B4GALT6: variants seen among roughly 807,000 people sequenced by gnomAD.
B4GALT6 encodes UDP-Gal:beta-GlcNAc beta-1,4-galactosyltransferase 6.
In B4GALT6, 14 loss-of-function variants were observed where a neutral mutation model predicts 46.3. The observed-to-expected ratio is 0.30, with a 90% CI of 0.20 to 0.47. The LOEUF (loss-of-function observed/expected upper bound fraction) is 0.47, where lower values mean the gene tolerates loss of function less well. Ranked by LOEUF, B4GALT6 falls within the 20% of genes least tolerant of loss-of-function variation. B4GALT6 has a pLI of 0.99. For missense variants in B4GALT6, 386 were observed against 480.1 expected, an observed-to-expected ratio of 0.80 and a Z score of 1.83; for synonymous variants, 168 against 162.0, an observed-to-expected ratio of 1.04 and a Z score of -0.28.
chr18:31,627,939 C>T (rs186507398), intron 6 of B4GALT6, among the ~76,000 whole-genome samples: 2 of 152,296 alleles, frequency 1.3e-5, no homozygotes, highest in African/African-American at 2.4e-5. Flanking sequence ...GCAGAGAAAA[C>T]GTGACCATGC....
the B4GALT6 span, among the ~76,000 whole-genome samples, chr18:31,696,817 G>A: frequency 6.6e-6 from 1 of 152,178 alleles, no homozygotes. Context: ...GTAAAGGTCT[G>A]TGGATATTAA....
At chr18:31,652,199 TTC>T (rs949420440) in intron 3 of B4GALT6, among the ~76,000 whole-genome samples, 33 of 152,262 alleles carry the variant, frequency 2.2e-4, no homozygotes, top group African/African-American at 7.2e-4. Flanking sequence ...GCCACCAAAC[TTC>T]TCTCATTTCA....
the B4GALT6 span, chr18:31,724,179 G>A: frequency 4.0e-6 from 1 of 252,618 alleles, no homozygotes; most frequent in South Asian, 4.4e-5. Flanking sequence ...TAAAGGACGG[G>A]ATGGGGCGCG....
chr18:31,712,927 T>C, the B4GALT6 span, among the ~76,000 whole-genome samples: 1 of 152,208 alleles, frequency 6.6e-6, no homozygotes, highest in Non-Finnish European at 1.5e-5. Context: ...ATAAAAACAA[T>C]ATTTTATTTT....
intron 1 of B4GALT6, among the ~76,000 whole-genome samples, chr18:31,678,242 A>G (rs2074437547): frequency 6.6e-6 from 1 of 152,092 alleles, no homozygotes; most frequent in African/African-American, 2.4e-5. Flanking sequence ...GCGGTCATCT[A>G]CCCTCACCTC....
intron 4 of B4GALT6, 82 bp from the exon 5 acceptor site, chr18:31,638,842 C>G: frequency 1.7e-6 from 2 of 1,201,550 alleles, no homozygotes; most frequent in Non-Finnish European, 2.4e-6. Context: ...TCCTTGAAAA[C>G]TTCTGATGGT....
At chr18:31,686,724 G>T (rs900193115), upstream of B4GALT6, 1 of 152,106 alleles carries the variant, frequency 6.6e-6, no homozygotes, top group Non-Finnish European at 1.5e-5. Flanking sequence ...GTAAAATAAA[G>T]AAAAACAAAA....
chr18:31,655,558 GGAGGA>G (rs758025412), intron 3 of B4GALT6, among the ~76,000 whole-genome samples: 18 of 152,186 alleles, frequency 1.2e-4, no homozygotes, highest in Non-Finnish European at 2.6e-4. Context: ...CTGTGGGGCG[GGAGGA>G]GAGGAGTACC....
chr18:31,640,728 T>C (rs528947320), intron 4 of B4GALT6, among the ~76,000 whole-genome samples: 3 of 152,234 alleles, frequency 2.0e-5, no homozygotes, highest in Admixed American at 6.5e-5. Context: ...CGACCCAACA[T>C]CCAAGACCTC....
chr18:31,670,666 AG>A (rs1598922141), intron 1 of B4GALT6, among the ~76,000 whole-genome samples: 1 of 152,370 alleles, frequency 6.6e-6, no homozygotes, highest in East Asian at 1.9e-4. Flanking sequence ...AACCAGCATG[AG>A]AATGGTTCCA....
intron 2 of B4GALT6, among the ~76,000 whole-genome samples, chr18:31,659,766 C>A (rs2074188968): frequency 6.6e-6 from 1 of 152,050 alleles, no homozygotes; most frequent in Non-Finnish European, 1.5e-5. Flanking sequence ...GGAAAATCTT[C>A]CAAATAACAA....
At chr18:31,645,013 A>T (rs1375605035) in intron 4 of B4GALT6, among the ~76,000 whole-genome samples, 1 of 152,212 alleles carries the variant, frequency 6.6e-6, no homozygotes, top group Non-Finnish European at 1.5e-5. Context: ...ATCATTAGGG[A>T]CAGCTGCAGG....
chr18:31,710,238 G>GT, the B4GALT6 span, among the ~76,000 whole-genome samples: 12 of 152,034 alleles, frequency 7.9e-5, no homozygotes, highest in Admixed American at 7.9e-4. Flanking sequence ...TAGACACCAA[G>GT]TAAGTGACAA....
chr18:31,643,232 A>G (rs1321532156), intron 4 of B4GALT6, among the ~76,000 whole-genome samples: 1 of 152,194 alleles, frequency 6.6e-6, no homozygotes, highest in Non-Finnish European at 1.5e-5. Context: ...GTAATTCTGA[A>G]CTAGAGACTA....
At chr18:31,721,860 TTCTCTC>T in the B4GALT6 span, among the ~76,000 whole-genome samples, 1 of 151,274 alleles carries the variant, frequency 6.6e-6, no homozygotes, top group Admixed American at 6.6e-5. Flanking sequence ...TTCTCTTTCT[TTCTCTC>T]TCTCTCTCTC....
intron 6 of B4GALT6, among the ~76,000 whole-genome samples, chr18:31,628,395 A>G (rs1200754061): frequency 6.6e-6 from 1 of 152,230 alleles, no homozygotes. Context: ...TCAGATAGGG[A>G]AACATGAATA....
chr18:31,704,221 AT>A, the B4GALT6 span, among the ~76,000 whole-genome samples: 13,000 of 142,516 alleles, frequency 0.091, 577 homozygotes, highest in Non-Finnish European at 0.1. Flanking sequence ...AGAACATGAG[AT>A]TTTTTTTTTT....
upstream of B4GALT6, among the ~76,000 whole-genome samples, chr18:31,689,504 G>C (rs554313975): frequency 6.6e-6 from 1 of 152,252 alleles, no homozygotes; most frequent in South Asian, 2.1e-4. Flanking sequence ...CAGCACTTTG[G>C]GAGACCAAGG....
intron 5 of B4GALT6, among the ~76,000 whole-genome samples, chr18:31,638,384 G>A (rs528513036): frequency 6.6e-5 from 10 of 152,100 alleles, no homozygotes; most frequent in East Asian, 3.9e-4. Flanking sequence ...AAAATTAGCC[G>A]GGCGTGGTGG....
Sources: allele counts gnomAD v4.1 joint callset (sites outside exome capture counted in the v4.1 genomes callset), GRCh38; gene constraint gnomAD v4.1.1; transcripts MANE v1.5; gene names NCBI Gene and HGNC (gene_info 2026-07-23, HGNC 2026-07-21).